Variants in CCDC178 observed in about 807,000 individuals in gnomAD.
The protein encoded by CCDC178 is coiled-coil domain-containing protein 178.
Under a neutral mutation model 117.4 loss-of-function variants are expected in CCDC178, and 126 were observed. The ratio of observed to expected loss-of-function variants is 1.07; its 90% CI spans 0.93 to 1.24. The LOEUF is 1.24. Among genes scored for constraint, CCDC178 ranks in the 50% most tolerant of loss-of-function variants. The probability of loss-of-function intolerance (pLI) is 0.00; values close to 1 mark genes in which losing one functional copy is unlikely to be tolerated. For synonymous variants in CCDC178, 283 were observed against 313.4 expected, an observed-to-expected ratio of 0.90 and a Z score of 1.02; for missense variants, 1,030 against 986.9, an observed-to-expected ratio of 1.04 and a Z score of -0.59.
At chr18:33,216,189 C>T (rs957903994) in intron 18 of CCDC178, among the ~76,000 whole-genome samples, 1 of 152,052 alleles carries the variant, frequency 6.6e-6, no homozygotes, top group Non-Finnish European at 1.5e-5. Context: ...CACAAACTTG[C>T]TCCCCTTTCC....
chr18:33,152,243 G>T (rs777664472), intron 20 of CCDC178, among the ~76,000 whole-genome samples: 2 of 152,062 alleles, frequency 1.3e-5, no homozygotes, highest in African/African-American at 2.4e-5. Context: ...GAGAGCAAAT[G>T]CTCACTATTC....
chr18:33,196,535 AC>A (rs1428229083), intron 20 of CCDC178, among the ~76,000 whole-genome samples: 1 of 151,958 alleles, frequency 6.6e-6, no homozygotes, highest in Non-Finnish European at 1.5e-5. Flanking sequence ...TACTTGTGGG[AC>A]CCCTAAATTT....
chr18:33,241,110 A>G (rs1390578243), intron 15 of CCDC178, among the ~76,000 whole-genome samples: 2 of 152,004 alleles, frequency 1.3e-5, no homozygotes, highest in Non-Finnish European at 2.9e-5. Context: ...GGTTATCTTA[A>G]TAGATGCAGA....
intron 15 of CCDC178, among the ~76,000 whole-genome samples, chr18:33,229,286 G>GTTTATTAAAT (rs2059344165): frequency 6.6e-6 from 1 of 152,022 alleles, no homozygotes; most frequent in Admixed American, 6.6e-5. Context: ...TATTTTTATT[G>GTTTATTAAAT]GTCATTAAAT....
At chr18:33,243,922 A>T (rs1217869156) in intron 15 of CCDC178, among the ~76,000 whole-genome samples, 1 of 151,782 alleles carries the variant, frequency 6.6e-6, no homozygotes, top group Non-Finnish European at 1.5e-5. Flanking sequence ...ATATTATTTT[A>T]AAAATTATAA....
intron 11 of CCDC178, among the ~76,000 whole-genome samples, chr18:33,312,548 T>C (rs1327860224): frequency 6.6e-6 from 1 of 152,204 alleles, no homozygotes; most frequent in Non-Finnish European, 1.5e-5. Flanking sequence ...CTAGGAGTAC[T>C]AACTCAAGGG....
At chr18:33,355,097 T>G (rs184523632) in intron 7 of CCDC178, among the ~76,000 whole-genome samples, 5 of 152,228 alleles carry the variant, frequency 3.3e-5, no homozygotes, top group Admixed American at 6.5e-5. Flanking sequence ...GAACAGTTTA[T>G]GTTAATTTAT....
At chr18:33,029,178 A>G (rs1021655125) in intron 21 of CCDC178, among the ~76,000 whole-genome samples, 2 of 151,888 alleles carry the variant, frequency 1.3e-5, no homozygotes, top group Non-Finnish European at 2.9e-5. Flanking sequence ...TTGATTACTA[A>G]TTCAATATAA....
At chr18:33,261,149 G>T (rs1055049469) in intron 14 of CCDC178, among the ~76,000 whole-genome samples, 5 of 151,780 alleles carry the variant, frequency 3.3e-5, no homozygotes, top group Admixed American at 1.3e-4. Flanking sequence ...AGTGGCACGA[G>T]CTCGGCTCAC....
At chr18:33,188,467 A>G (rs1202166545) in intron 20 of CCDC178, among the ~76,000 whole-genome samples, 1 of 152,184 alleles carries the variant, frequency 6.6e-6, no homozygotes, top group East Asian at 1.9e-4. Flanking sequence ...TAAAAGCAGC[A>G]GCAGAAGGCA....
At chr18:32,993,918 G>C (rs2055447587) in intron 21 of CCDC178, among the ~76,000 whole-genome samples, 1 of 151,988 alleles carries the variant, frequency 6.6e-6, no homozygotes. Context: ...AATTTTATTA[G>C]CTATTATGCC....
intron 20 of CCDC178, among the ~76,000 whole-genome samples, chr18:33,204,799 A>G (rs1405742645): frequency 6.6e-6 from 1 of 152,154 alleles, no homozygotes; most frequent in African/African-American, 2.4e-5. Context: ...AATATTATAA[A>G]AATAATTATT....
intron 14 of CCDC178, among the ~76,000 whole-genome samples, chr18:33,254,257 C>G (rs932585408): frequency 8.2e-6 from 1 of 122,598 alleles, no homozygotes; most frequent in Non-Finnish European, 1.7e-5. Context: ...GAGAAACACA[C>G]ACACACACAC....
chr18:33,427,702 C>G, intron 2 of CCDC178, among the ~76,000 whole-genome samples: 1 of 152,136 alleles, frequency 6.6e-6, no homozygotes, highest in East Asian at 1.9e-4. Flanking sequence ...TTAGAACTCA[C>G]AGAGTCAGCT....
chr18:33,161,738 G>A (rs1272328415), intron 20 of CCDC178, among the ~76,000 whole-genome samples: 1 of 152,114 alleles, frequency 6.6e-6, no homozygotes, highest in Non-Finnish European at 1.5e-5. Context: ...TCCCTACACA[G>A]GACATGAACT....
chr18:33,400,631 G>A (rs2063697278), intron 3 of CCDC178, among the ~76,000 whole-genome samples: 1 of 152,222 alleles, frequency 6.6e-6, no homozygotes, highest in African/African-American at 2.4e-5. Context: ...ACTGAATAGA[G>A]TTAGGGCCTT....
At chr18:33,409,962 G>A (rs1048043276) in intron 3 of CCDC178, among the ~76,000 whole-genome samples, 4 of 152,156 alleles carry the variant, frequency 2.6e-5, no homozygotes, top group Non-Finnish European at 5.9e-5. Flanking sequence ...TGCATTTACA[G>A]ATGTCTATAT....
chr18:33,412,049 C>T lies in CCDC178; in HGVS notation c.40G>A (p.Asp14Asn), dbSNP rs899157038. Residue 14 changes from aspartate (D) to asparagine (N), a missense_variant, in exon 3 of 23, where the codon GAT (aspartate) becomes AAT (asparagine). Physicochemically the swap from Asp to Asn is conservative, Grantham distance 23. Transcript: ENST00000383096. ...AACTTACCTATATTGGTTTGATCAT[C>T]TCTAGTGGAAGAAGAGGAAACTGTC... ...NKTVSSSSTRDDQTNIGLTCQ... is the reference protein window; with the variant it reads ...NKTVSSSSTRNDQTNIGLTCQ... The T allele has an allele frequency of 6.7e-7, 1 of 1,503,004 alleles. No individual in the cohort carries two copies. The highest frequency in any genetic ancestry group is 9.2e-7 in the Non-Finnish European group (1 of 1,091,228). The allele number at this position is 1,503,004 out of a possible 1,614,324, so 93.1% of individuals were successfully genotyped here. A position where few individuals can be genotyped will look rare whatever the true frequency, so the allele number is the denominator to read the frequency against.
intron 4 of CCDC178, among the ~76,000 whole-genome samples, chr18:33,391,544 A>G (rs2144828367): frequency 1.3e-5 from 2 of 152,272 alleles, no homozygotes; most frequent in South Asian, 4.1e-4. Context: ...ACAATTCAAA[A>G]AAGTTTAATA....
Sources: gnomAD v4.1 joint callset for allele counts (sites outside exome capture counted in the v4.1 genomes callset) on GRCh38, gnomAD v4.1.1 for gene constraint, MANE v1.5 for transcripts, NCBI Gene and HGNC (gene_info 2026-07-23, HGNC 2026-07-21) for gene names.